Variants in STRN3 observed in about 807,000 individuals in gnomAD.
The protein encoded by STRN3 is striatin 3, also known as striatin-3.
STRN3 carries 29 observed loss-of-function variants against 95.6 expected under a neutral mutation model. The ratio of observed to expected loss-of-function variants is 0.30; its 90% CI spans 0.23 to 0.41. STRN3 has a LOEUF of 0.41. Ranked by LOEUF, STRN3 falls within the 10% of genes least tolerant of loss-of-function variation. The pLI, the probability that STRN3 is intolerant of heterozygous loss-of-function variation, is 1.00. For synonymous variants in STRN3, 331 were observed against 357.6 expected, an observed-to-expected ratio of 0.93 and a Z score of 0.84; for missense variants, 890 against 972.1, an observed-to-expected ratio of 0.92 and a Z score of 1.12.
intron 5 of STRN3, among the ~76,000 whole-genome samples, chr14:30,941,904 G>T (rs571811871): frequency 2.0e-5 from 3 of 152,190 alleles, no homozygotes; most frequent in African/African-American, 7.2e-5. Flanking sequence ...GGGATTACAG[G>T]CGTGAGCCAC....
chr14:31,017,847 C>A (rs540163727), intron 1 of STRN3, among the ~76,000 whole-genome samples: 3 of 152,080 alleles, frequency 2.0e-5, no homozygotes, highest in African/African-American at 7.2e-5. Flanking sequence ...GAGGCCAAGG[C>A]GGGTGATCAC....
At chr14:30,982,439 C>A (rs1394229279) in intron 1 of STRN3, among the ~76,000 whole-genome samples, 1 of 152,180 alleles carries the variant, frequency 6.6e-6, no homozygotes, top group Admixed American at 6.5e-5. Context: ...TCCCAAGTAG[C>A]TGGGACTACA....
intron 1 of STRN3, among the ~76,000 whole-genome samples, chr14:30,961,352 C>T (rs1408447141): frequency 2.6e-5 from 4 of 152,164 alleles, no homozygotes; most frequent in African/African-American, 4.8e-5. Context: ...TATATACAGT[C>T]ATGTGCCACA....
At position 30,984,140 on chromosome 14, in the gene STRN3, C is replaced by G. The variant is rs1212123981; in HGVS notation, c.283-27898G>C. Among the ~76,000 whole-genome samples, 16 of 132,390 alleles carry G rather than the reference C, an allele frequency of 1.2e-4. 1 individual carries two copies. The highest frequency in any genetic ancestry group is 4.1e-4 in the African/African-American group (15 of 36,360). The allele number at this position is 132,390 out of a possible 152,430, so 86.9% of individuals were successfully genotyped here. On this transcript the variant is annotated intron_variant, in intron 1 of 17. Coordinates refer to ENST00000357479, the MANE Select transcript of STRN3 (RefSeq NM_001083893.2). ...GGCATCTTCCCCGCCCCCCCCAACC[C>G]CCCCCCACACACAAAGGCCTATAAA... is the stretch of plus-strand genomic sequence containing the variant.
chr14:30,940,295 T>C (rs1027743037), intron 5 of STRN3, among the ~76,000 whole-genome samples: 21 of 152,294 alleles, frequency 1.4e-4, no homozygotes, highest in Admixed American at 9.8e-4. Flanking sequence ...CTACACTTTC[T>C]TCCTTCTTGA....
chr14:31,017,997 G>C (rs1883321702), intron 1 of STRN3, among the ~76,000 whole-genome samples: 1 of 151,182 alleles, frequency 6.6e-6, no homozygotes, highest in South Asian at 2.1e-4. Flanking sequence ...AGAATTGCTT[G>C]AACCTGGGAG....
chr14:30,924,132 T>C (rs1329385114), intron 8 of STRN3, among the ~76,000 whole-genome samples: 3 of 148,784 alleles, frequency 2.0e-5, no homozygotes, highest in African/African-American at 7.4e-5. Flanking sequence ...ACTGTGGTCA[T>C]ACATGAGAGT....
chr14:31,009,944 A>C (rs1302924064), intron 1 of STRN3, among the ~76,000 whole-genome samples: 4 of 151,918 alleles, frequency 2.6e-5, no homozygotes, highest in South Asian at 2.1e-4. Flanking sequence ...ATGAAAAAAA[A>C]ATTTTTTAAG....
intron 7 of STRN3, among the ~76,000 whole-genome samples, chr14:30,929,967 A>AAC (rs1555317335): frequency 5.5e-5 from 5 of 91,122 alleles, no homozygotes; most frequent in East Asian, 3.2e-4. Flanking sequence ...AAAAAAAAAA[A>AAC]AAAAAAAAAA....
intron 16 of STRN3, among the ~76,000 whole-genome samples, chr14:30,901,638 T>G (rs2138951640): frequency 6.6e-6 from 1 of 152,208 alleles, no homozygotes; most frequent in East Asian, 1.9e-4. Flanking sequence ...GTCAGACCTT[T>G]CCTGAAAGAG....
intron 1 of STRN3, among the ~76,000 whole-genome samples, chr14:31,008,626 A>G (rs1214980857): frequency 6.6e-6 from 1 of 152,242 alleles, no homozygotes; most frequent in Non-Finnish European, 1.5e-5. Flanking sequence ...ATATAAGTAA[A>G]TATCACAAGA....
At chr14:30,989,357 C>T (rs1220523905) in intron 1 of STRN3, among the ~76,000 whole-genome samples, 1 of 152,164 alleles carries the variant, frequency 6.6e-6, no homozygotes, top group East Asian at 1.9e-4. Context: ...AAAAGCCTTC[C>T]TCTTCATGGC....
rs371044235 is a variant in STRN3, at chr14:30,936,630, C to T, written c.717-6G>A. The T allele has an allele frequency of 2.9e-5, 47 of 1,596,250 alleles. 1 individual carries two copies. The African/African-American group carries it at 3.9e-4, about 13-fold the overall frequency. On this transcript the variant is annotated splice_polypyrimidine_tract_variant and splice_region_variant and intron_variant, in intron 5 of 17. Coordinates refer to ENST00000357479, the MANE Select transcript of STRN3 (RefSeq NM_001083893.2). ...CAAGAACATCACCAGAGGACCTGTGCGAAGGAAAAAAAGATAAATCCAACT... is the reference window on the plus strand; with the variant it reads ...CAAGAACATCACCAGAGGACCTGTGTGAAGGAAAAAAAGATAAATCCAACT...
intron 16 of STRN3, among the ~76,000 whole-genome samples, chr14:30,896,152 T>C (rs562386659): frequency 3.0e-4 from 45 of 152,228 alleles, no homozygotes; most frequent in Non-Finnish European, 5.3e-4. Flanking sequence ...TCACTTAATA[T>C]AATGTTTTAA....
Position 30,894,078 on chromosome 14 carries a change from C to T in STRN3, c.*1333G>A, listed in dbSNP as rs917557904. The T allele has an allele frequency of 1.3e-5, 2 of 152,494 alleles. No individual in the cohort carries two copies. Among genetic ancestry groups the T allele is most frequent in the Non-Finnish European group, 2.9e-5 (2 of 67,984 alleles). 9.4% of individuals were successfully genotyped at this position (152,494 alleles called of 1,614,324 possible). On this transcript the variant is annotated 3_prime_UTR_variant, in exon 18 of 18. Coordinates refer to ENST00000357479, the MANE Select transcript of STRN3 (RefSeq NM_001083893.2). ...AAGACTAGAAAAAATACTTTATTGT[C>T]TTAATCATGCATTACACAAACAAAA...
intron 1 of STRN3, among the ~76,000 whole-genome samples, chr14:31,003,251 ACT>A (rs1882552202): frequency 6.9e-6 from 1 of 145,976 alleles, no homozygotes; most frequent in Non-Finnish European, 1.5e-5. Flanking sequence ...ACACAGCAAG[ACT>A]CTGTCTCCAA....
intron 3 of STRN3, among the ~76,000 whole-genome samples, chr14:30,954,517 C>T (rs1879807541): frequency 6.6e-6 from 1 of 152,028 alleles, no homozygotes; most frequent in African/African-American, 2.4e-5. Context: ...ATACTTCTGC[C>T]CATCCCTTTG....
intron 5 of STRN3, among the ~76,000 whole-genome samples, chr14:30,939,906 T>A (rs915145085): frequency 4.6e-5 from 7 of 152,196 alleles, no homozygotes; most frequent in African/African-American, 1.7e-4. Context: ...AGTTTACTTT[T>A]GGCTTTATTA....
At chr14:30,985,304 GC>G (rs141930004) in intron 1 of STRN3, among the ~76,000 whole-genome samples, 13,029 of 59,494 alleles carry the variant, frequency 0.22, 828 homozygotes, top group South Asian at 0.43. Context: ...GTAAAACTCC[GC>G]CAAAAAAAAA....
Sources: gnomAD v4.1 joint callset for allele counts (sites outside exome capture counted in the v4.1 genomes callset) on GRCh38, gnomAD v4.1.1 for gene constraint, MANE v1.5 for transcripts, NCBI Gene and HGNC (gene_info 2026-07-23, HGNC 2026-07-21) for gene names.